Variants in INSC observed in about 807,000 individuals in gnomAD.
The protein encoded by INSC is protein inscuteable homolog.
INSC carries 67 observed loss-of-function variants against 58.6 expected under a neutral mutation model. The observed-to-expected ratio is 1.14, with a 90% confidence interval of 0.94 to 1.40. INSC has a LOEUF of 1.40. Ranked by LOEUF, INSC falls within the 40% of genes most tolerant of loss-of-function variation. INSC has a pLI of 0.00. For missense variants in INSC, 714 were observed against 692.0 expected (o/e 1.03, Z -0.36); for synonymous variants, 262 against 276.1 (o/e 0.95, Z 0.51).
chr11:15,268,889 G>T, the INSC span, among the ~76,000 whole-genome samples: 6 of 151,932 alleles, frequency 3.9e-5, no homozygotes, highest in Admixed American at 3.3e-4. Flanking sequence ...TGTAGCTTTA[G>T]TTTCTTGAAA....
intron 7 of INSC, among the ~76,000 whole-genome samples, chr11:15,212,750 A>C (rs902312028): frequency 7.9e-5 from 12 of 152,172 alleles, no homozygotes; most frequent in African/African-American, 2.9e-4. Context: ...GATTCATTAG[A>C]GTTTTCTATG....
chr11:15,235,828 G>A (rs1161064530), intron 10 of INSC, among the ~76,000 whole-genome samples, 160 bp downstream of exon 10: 1 of 152,026 alleles, frequency 6.6e-6, no homozygotes, highest in Admixed American at 6.5e-5. Context: ...AGCAGAGGTG[G>A]GCGGATCAAC....
chr11:15,172,983 TG>T, intron 2 of INSC, among the ~76,000 whole-genome samples: 1 of 152,310 alleles, frequency 6.6e-6, no homozygotes, highest in East Asian at 1.9e-4. Flanking sequence ...AATACATTCT[TG>T]GGGGAATGTG....
At chr11:15,227,521 A>C (rs1851687326) in intron 9 of INSC, among the ~76,000 whole-genome samples, 1 of 152,194 alleles carries the variant, frequency 6.6e-6, no homozygotes, top group Non-Finnish European at 1.5e-5. Context: ...AAAATCCTCA[A>C]CTTGGCCCTC....
chr11:15,128,441 A>G (rs937138251), intron 1 of INSC, among the ~76,000 whole-genome samples: 28 of 152,210 alleles, frequency 1.8e-4, no homozygotes, highest in African/African-American at 6.8e-4. Flanking sequence ...CCAGGTAATC[A>G]AATGTATATT....
rs557209935 is a variant in INSC, at chr11:15,134,247, GT to G, written c.-45-14881del. On this transcript the variant is annotated intron_variant, in intron 1 of 12. Coordinates refer to ENST00000379556, the MANE Select transcript of INSC (RefSeq NM_001042536.3). ...AGATGCTATATATTGTAAGATCCCT[GT>G]TACTTCATGAAAAAGAAAATATGGT... Among the ~76,000 whole-genome samples the G allele has an allele frequency of 4.9e-4, 75 of 152,252 alleles. 1 individual carries two copies. The highest frequency in any genetic ancestry group is 6.8e-3 in the Middle Eastern group (2 of 294).
intron 9 of INSC, among the ~76,000 whole-genome samples, chr11:15,229,985 A>ATATATATATAT (rs1851827837): frequency 4.0e-5 from 1 of 24,868 alleles, no homozygotes; most frequent in Non-Finnish European, 6.6e-5. Flanking sequence ...TATATTATAT[A>ATATATATATAT]TATATATATA....
At chr11:15,131,879 T>A (rs1266884111) in intron 1 of INSC, among the ~76,000 whole-genome samples, 1 of 152,184 alleles carries the variant, frequency 6.6e-6, no homozygotes. Context: ...ATGCACAACT[T>A]CCAACCCCCT....
chr11:15,262,264 A>C, the INSC span, among the ~76,000 whole-genome samples: 1 of 152,134 alleles, frequency 6.6e-6, no homozygotes, highest in African/African-American at 2.4e-5. Flanking sequence ...GTTATATACA[A>C]CATCTTATTA....
Position 15,142,263 on chromosome 11 carries a change from A to G in INSC, c.-45-6867A>G, listed in dbSNP as rs145582829. On this transcript the variant is annotated intron_variant, in intron 1 of 12. Transcript: ENST00000379556. ...TGTATTTCCCTAGCTGAAAGTGACC[A>G]CTCCTTTTTCTGCATTCCCGTGCTA... 3.2e-3 allele frequency among the ~76,000 whole-genome samples: 486 copies of G among 151,726 alleles called. 5 individuals carry two copies. Among genetic ancestry groups the G allele is most frequent in the African/African-American group, 0.011 (464 of 41,352 alleles).
chr11:15,215,565 G>T (rs1851183233), intron 7 of INSC, among the ~76,000 whole-genome samples: 1 of 152,240 alleles, frequency 6.6e-6, no homozygotes, highest in African/African-American at 2.4e-5. Flanking sequence ...AACTTGCCAT[G>T]TGGCCTAGGT....
chr11:15,118,986 T>A (rs1009691096), intron 1 of INSC, among the ~76,000 whole-genome samples: 1 of 152,176 alleles, frequency 6.6e-6, no homozygotes, highest in African/African-American at 2.4e-5. Context: ...TAGCCCAAGG[T>A]CAGAGCTAGC....
At chr11:15,140,110 C>G (rs1454007096) in intron 1 of INSC, among the ~76,000 whole-genome samples, 2 of 152,118 alleles carry the variant, frequency 1.3e-5, no homozygotes, top group Non-Finnish European at 2.9e-5. Flanking sequence ...GCTGCTTGGA[C>G]AAGCTGGAGC....
chr11:15,152,449 A>T (rs1348733410), intron 2 of INSC, among the ~76,000 whole-genome samples: 1 of 152,230 alleles, frequency 6.6e-6, no homozygotes, highest in African/African-American at 2.4e-5. Context: ...GAAGCCCAAC[A>T]TCAACAGTAA....
intron 1 of INSC, among the ~76,000 whole-genome samples, chr11:15,122,949 A>G (rs945762576): frequency 1.3e-5 from 2 of 152,166 alleles, no homozygotes. Flanking sequence ...AATAAGTCCT[A>G]CAAGGTCTTG....
upstream of INSC, among the ~76,000 whole-genome samples, chr11:15,113,143 T>TCTTTCTTTCTTTCTTTCTCTCTC (rs1847611291): frequency 1.0e-5 from 1 of 98,642 alleles, no homozygotes; most frequent in Admixed American, 1.1e-4. Flanking sequence ...CTTTCTTTCT[T>TCTTTCTTTCTTTCTTTCTCTCTC]TCTGTCTCTC....
At chr11:15,174,168 C>T (rs998979310) in intron 2 of INSC, among the ~76,000 whole-genome samples, 2 of 152,032 alleles carry the variant, frequency 1.3e-5, no homozygotes, top group African/African-American at 2.4e-5. Flanking sequence ...GACACTTCTG[C>T]CCCCAGAGCC....
intron 2 of INSC, among the ~76,000 whole-genome samples, chr11:15,165,619 A>T (rs76342534): frequency 0.072 from 10,955 of 152,226 alleles, 443 homozygotes; most frequent in Non-Finnish European, 0.095. Context: ...TAGAAGACCC[A>T]GTGGCATGCC....
At chr11:15,127,635 A>G (rs1810164700) in intron 1 of INSC, among the ~76,000 whole-genome samples, 3 of 152,190 alleles carry the variant, frequency 2.0e-5, no homozygotes, top group Admixed American at 2.0e-4. Flanking sequence ...AGGAAAATAA[A>G]TACTCCCTCA....
Sources: allele counts gnomAD v4.1 joint callset (sites outside exome capture counted in the v4.1 genomes callset), GRCh38; gene constraint gnomAD v4.1.1; transcripts MANE v1.5; gene names NCBI Gene and HGNC (gene_info 2026-07-23, HGNC 2026-07-21).